The following REDIC1 variants were observed in gnomAD, a reference collection of about 807,000 sequenced individuals.
The protein encoded by REDIC1 is regulator of DNA class I crossover intermediates 1.
At chr12:39,735,618 G>A in the REDIC1 span, among the ~76,000 whole-genome samples, 2 of 152,144 alleles carry the variant, frequency 1.3e-5, no homozygotes, top group African/African-American at 4.8e-5. Flanking sequence ...TTAAGAAAAG[G>A]CTTTTGGACG....
the REDIC1 span, chr12:39,755,672 G>A: frequency 6.6e-6 from 1 of 151,916 alleles, no homozygotes; most frequent in Non-Finnish European, 1.5e-5. Context: ...TCTCATTTAT[G>A]CTGACATGAC....
chr12:39,654,447 G>A, the REDIC1 span, among the ~76,000 whole-genome samples: 1 of 152,112 alleles, frequency 6.6e-6, no homozygotes, highest in Non-Finnish European at 1.5e-5. Flanking sequence ...AATTAGTCCG[G>A]TGTGGTGGCG....
the REDIC1 span, among the ~76,000 whole-genome samples, chr12:39,640,058 GTTT>G: frequency 7.2e-6 from 1 of 138,508 alleles, no homozygotes. Flanking sequence ...GAACTACTAG[GTTT>G]TTTTTTTTTT....
chr12:39,705,772 TA>T, the REDIC1 span, among the ~76,000 whole-genome samples: 1 of 152,020 alleles, frequency 6.6e-6, no homozygotes, highest in African/African-American at 2.4e-5. Context: ...CCCTTCATGG[TA>T]AAAACCTTCA....
At chr12:39,786,928 G>T in the REDIC1 span, among the ~76,000 whole-genome samples, 1 of 152,126 alleles carries the variant, frequency 6.6e-6, no homozygotes, top group South Asian at 2.1e-4. Flanking sequence ...AGTCATAATA[G>T]CCAGAGGACT....
At chr12:39,901,289 C>G in the REDIC1 span, among the ~76,000 whole-genome samples, 1 of 152,056 alleles carries the variant, frequency 6.6e-6, no homozygotes, top group Non-Finnish European at 1.5e-5. Flanking sequence ...GGGCAAGGAC[C>G]TCATGTCTAA....
At chr12:39,901,763 C>A in the REDIC1 span, among the ~76,000 whole-genome samples, 45 of 136,442 alleles carry the variant, frequency 3.3e-4, no homozygotes, top group African/African-American at 1.1e-3. Context: ...ACTAGTTCAA[C>A]CATTGTGGAA....
the REDIC1 span, among the ~76,000 whole-genome samples, chr12:39,675,623 A>T: frequency 6.6e-6 from 1 of 152,242 alleles, no homozygotes; most frequent in Non-Finnish European, 1.5e-5. Context: ...TCATGTGACA[A>T]CTTCACTGCT....
chr12:39,714,353 A>G, the REDIC1 span, among the ~76,000 whole-genome samples: 2 of 148,200 alleles, frequency 1.3e-5, no homozygotes, highest in Admixed American at 6.9e-5. Context: ...ATATATGTAT[A>G]TGTGTATATA....
the REDIC1 span, among the ~76,000 whole-genome samples, chr12:39,714,971 G>A: frequency 2.6e-5 from 4 of 151,854 alleles, no homozygotes; most frequent in Non-Finnish European, 4.4e-5. Flanking sequence ...TAAGTCCTTT[G>A]TCAGATGTAT....
the REDIC1 span, among the ~76,000 whole-genome samples, chr12:39,697,885 A>T: frequency 6.6e-6 from 1 of 152,194 alleles, no homozygotes; most frequent in Non-Finnish European, 1.5e-5. Flanking sequence ...ATAACAAAAT[A>T]GCAGCAGTAA....
At chr12:39,750,602 A>C in the REDIC1 span, among the ~76,000 whole-genome samples, 2 of 152,232 alleles carry the variant, frequency 1.3e-5, no homozygotes, top group Non-Finnish European at 2.9e-5. Context: ...CCGCATTGCC[A>C]AGTCGATCCT....
At chr12:39,729,986 G>A in the REDIC1 span, among the ~76,000 whole-genome samples, 1 of 152,022 alleles carries the variant, frequency 6.6e-6, no homozygotes, top group Non-Finnish European at 1.5e-5. Flanking sequence ...TGCAGCCCCT[G>A]CTTTTTTTGC....
At chr12:39,860,658 T>G in the REDIC1 span, among the ~76,000 whole-genome samples, 2 of 152,234 alleles carry the variant, frequency 1.3e-5, no homozygotes, top group African/African-American at 4.8e-5. Context: ...TTTTTTCTCA[T>G]GCAGAAATTG....
At chr12:39,688,009 C>A in the REDIC1 span, among the ~76,000 whole-genome samples, 1 of 152,158 alleles carries the variant, frequency 6.6e-6, no homozygotes, top group Non-Finnish European at 1.5e-5. Context: ...ACTGTTTTCC[C>A]TTTTTTCTTC....
chr12:39,903,382 G>A, the REDIC1 span, among the ~76,000 whole-genome samples: 2 of 152,058 alleles, frequency 1.3e-5, no homozygotes, highest in Admixed American at 1.3e-4. Flanking sequence ...AAATTTATCA[G>A]GTAAACTAGT....
chr12:39,816,184 C>T, the REDIC1 span, among the ~76,000 whole-genome samples: 5 of 152,034 alleles, frequency 3.3e-5, no homozygotes, highest in East Asian at 1.9e-4. Context: ...GTTGGATCTA[C>T]GCTAGTTATG....
chr12:39,780,981 T>A, the REDIC1 span, among the ~76,000 whole-genome samples: 1 of 152,198 alleles, frequency 6.6e-6, no homozygotes, highest in South Asian at 2.1e-4. Flanking sequence ...AGATGGAAAG[T>A]CATTATCGTA....
At chr12:39,839,840 T>C in the REDIC1 span, among the ~76,000 whole-genome samples, 2 of 152,086 alleles carry the variant, frequency 1.3e-5, no homozygotes, top group Non-Finnish European at 2.9e-5. Flanking sequence ...TATCTGGATG[T>C]TTTCCAAGTG....
Sources: gnomAD v4.1 joint callset for allele counts (sites outside exome capture counted in the v4.1 genomes callset) on GRCh38, gnomAD v4.1.1 for gene constraint, MANE v1.5 for transcripts, NCBI Gene and HGNC (gene_info 2026-07-23, HGNC 2026-07-21) for gene names.